Variants in LAMA4 observed in about 807,000 individuals in gnomAD.
The protein encoded by LAMA4 is laminin subunit alpha 4, also known as laminin subunit alpha-4.
LAMA4 carries 127 observed loss-of-function variants against 207.1 expected under a neutral mutation model. The observed-to-expected ratio is 0.61, with a 90% CI of 0.53 to 0.71. The LOEUF (loss-of-function observed/expected upper bound fraction) is 0.71, where lower values mean the gene tolerates loss of function less well. Ranked by LOEUF, LAMA4 falls within the 30% of genes least tolerant of loss-of-function variation. LAMA4 has a pLI of 0.00. For synonymous variants in LAMA4, 761 were observed against 816.0 expected (o/e 0.93, Z 1.15); for missense variants, 2,093 against 2,246.5 (o/e 0.93, Z 1.38).
At chr6:112,178,461 G>A in intron 9 of LAMA4, 1 of 493,070 alleles carries the variant, frequency 2.0e-6, no homozygotes, top group Middle Eastern at 5.8e-4. Flanking sequence ...TTGGGGTATA[G>A]GTGGTATTTG....
intron 2 of LAMA4, among the ~76,000 whole-genome samples, chr6:112,229,835 A>G (rs1238869299): frequency 6.6e-6 from 1 of 152,248 alleles, no homozygotes; most frequent in African/African-American, 2.4e-5. Context: ...GCATATTTTC[A>G]GAGAATCAAA....
At chr6:112,181,183 A>C (rs1425447557) in intron 9 of LAMA4, among the ~76,000 whole-genome samples, 1 of 152,196 alleles carries the variant, frequency 6.6e-6, no homozygotes, top group Non-Finnish European at 1.5e-5. Flanking sequence ...AAATGAAGGC[A>C]AGACAGCAAC....
chr6:112,190,944 T>TTTCCTTCC (rs1387146757), intron 6 of LAMA4, among the ~76,000 whole-genome samples: 63 of 41,648 alleles, frequency 1.5e-3, no homozygotes, highest in African/African-American at 5.7e-3. Flanking sequence ...TCTTTCTTTC[T>TTTCCTTCC]TTCCTTTCTT....
chr6:112,155,333 A>G (rs987032014), intron 15 of LAMA4: 9 of 584,362 alleles, frequency 1.5e-5, no homozygotes, highest in African/African-American at 1.3e-4. Context: ...CTTTGGCTAA[A>G]AAAATAAACT....
In LAMA4 at chr6:112,153,695, C is replaced by T. The variant is rs555349048; in HGVS notation, c.2056+1156G>A. The stretch of plus-strand genomic sequence containing the variant: ...AAACAAAAGCAATACATAGATATAG[C>T]AACATTTATTTTAAAATATTTTACT... On this transcript the variant is annotated intron_variant, in intron 16 of 38. Coordinates refer to ENST00000230538, the MANE Select transcript of LAMA4 (RefSeq NM_001105206.3). 6.6e-5 allele frequency among the ~76,000 whole-genome samples: 10 copies of T among 152,120 alleles called. No individual in the cohort carries two copies. The East Asian group carries it at 1.9e-3, about 29-fold the overall frequency.
chr6:112,244,794 T>G (rs1255525920), intron 2 of LAMA4, among the ~76,000 whole-genome samples: 1 of 152,208 alleles, frequency 6.6e-6, no homozygotes, highest in Admixed American at 6.5e-5. Context: ...ATGGCTCATA[T>G]TGCAAGGTAT....
At position 112,172,515 on chromosome 6, in the gene LAMA4, A is replaced by G. The variant is rs550634671; in HGVS notation, c.1551+96T>C. ...TTTTAAAATATAAGTATTTAACTATACCAATATTTTAAAAAAATTTATATC... is the reference window on the plus strand; with the variant it reads ...TTTTAAAATATAAGTATTTAACTATGCCAATATTTTAAAAAAATTTATATC... On this transcript the variant is annotated intron_variant, in intron 12 of 38. Coordinates refer to ENST00000230538, the MANE Select transcript of LAMA4 (RefSeq NM_001105206.3). The G allele has an allele frequency of 9.2e-4, 1,006 of 1,088,576 alleles. 4 individuals carry two copies. Among genetic ancestry groups the G allele is most frequent in the Middle Eastern group, 2.0e-3 (7 of 3,422 alleles). The allele number at this position is 1,088,576 out of a possible 1,614,324, so 67.4% of individuals were successfully genotyped here.
intron 2 of LAMA4, among the ~76,000 whole-genome samples, chr6:112,223,149 T>C (rs1785017129): frequency 6.6e-6 from 1 of 152,166 alleles, no homozygotes; most frequent in African/African-American, 2.4e-5. Flanking sequence ...TTCCAAGCTA[T>C]GGTTACACAA....
chr6:112,181,271 T>A (rs797044150), intron 9 of LAMA4, among the ~76,000 whole-genome samples: 10 of 152,338 alleles, frequency 6.6e-5, no homozygotes, highest in African/African-American at 2.4e-4. Flanking sequence ...GGCTAGTCTA[T>A]CATCCACACT....
At chr6:112,186,498 T>G (rs568155892) in intron 8 of LAMA4, among the ~76,000 whole-genome samples, 1 of 152,218 alleles carries the variant, frequency 6.6e-6, no homozygotes, top group African/African-American at 2.4e-5. Context: ...AAAGAAAACT[T>G]GTAAATCTTA....
chr6:112,139,850 G>T lies in LAMA4; in HGVS notation c.3012C>A (p.Gly1004=), dbSNP rs782815547. 1 of 1,614,054 alleles carries T rather than the reference G, an allele frequency of 6.2e-7. No homozygotes were observed. ...PTSLNLPGFV[G]CLELATLNND... ...TATTCAAAGTGGCCAGTTCCAGGCAGCCAACAAAGCCAGGCAGGTTTAAGC... is the reference window on the plus strand; with the variant it reads ...TATTCAAAGTGGCCAGTTCCAGGCATCCAACAAAGCCAGGCAGGTTTAAGC... The change falls in exon 23 of 39, where the codon GGC becomes GGA. Residue 1004 remains glycine, a synonymous_variant. Transcript: ENST00000230538.
intron 2 of LAMA4, among the ~76,000 whole-genome samples, chr6:112,225,258 G>A (rs1785150093): frequency 6.6e-6 from 1 of 152,124 alleles, no homozygotes; most frequent in African/African-American, 2.4e-5. Flanking sequence ...CTGAAGTTGA[G>A]TGTGTCCCAC....
At chr6:112,141,597 G>T in intron 20 of LAMA4, 94 bp from the exon 21 acceptor site, 1 of 995,006 alleles carries the variant, frequency 1.0e-6, no homozygotes, top group South Asian at 1.4e-5. Context: ...AAATATTTGG[G>T]TATATACAAG....
chr6:112,160,927 C>T (rs1554338237), intron 13 of LAMA4, among the ~76,000 whole-genome samples: 1 of 152,174 alleles, frequency 6.6e-6, no homozygotes, highest in Non-Finnish European at 1.5e-5. Context: ...GGAATGAGTC[C>T]AATTTCTAAG....
In LAMA4 at chr6:112,109,305, G is replaced by T; in HGVS notation, c.*132C>A. 1.1e-6 allele frequency: 1 copy of T among 941,778 alleles called. No homozygotes were observed. Among genetic ancestry groups the T allele is most frequent in the Non-Finnish European group, 1.7e-6 (1 of 601,928 alleles). The allele number at this position is 941,778 out of a possible 1,614,324, so 58.3% of individuals were successfully genotyped here. On this transcript the variant is annotated 3_prime_UTR_variant, in exon 39 of 39. Coordinates refer to ENST00000230538, the MANE Select transcript of LAMA4 (RefSeq NM_001105206.3). ...AAATAAGAAATATCCGGTCCCTGAT[G>T]ATTCGTTTAAGTCCTGTTCAACTCG... is the stretch of plus-strand genomic sequence containing the variant.
chr6:112,129,624 G>C (rs782518307), intron 30 of LAMA4, among the ~76,000 whole-genome samples: 3 of 152,074 alleles, frequency 2.0e-5, no homozygotes, highest in Non-Finnish European at 4.4e-5. Context: ...AACCTACCAA[G>C]TAGGCACCAT....
chr6:112,241,223 T>A (rs1359545301), intron 2 of LAMA4, among the ~76,000 whole-genome samples: 1 of 129,926 alleles, frequency 7.7e-6, no homozygotes, highest in African/African-American at 2.6e-5. Context: ...TGTATATATA[T>A]GATATATATA....
chr6:112,187,685 C>T, intron 7 of LAMA4, 84 bp from the exon 8 acceptor site: 1 of 1,322,518 alleles, frequency 7.6e-7, no homozygotes, highest in Non-Finnish European at 1.1e-6. Flanking sequence ...ATCTCTATTT[C>T]CTTGGTTAAT....
At position 112,139,789 on chromosome 6, in the gene LAMA4, A is replaced by G. The variant is rs1554332595; in HGVS notation, c.3073T>C (p.Tyr1025His). ...VISLYNFKHI[Y>H]NMDPSTSVPC... ...ACTGATGTGGAGGGGTCCATATTAT[A>G]GATGTGCTTAAAGTTGTACAAGCTG... The change falls in exon 23 of 39, where the codon TAT (tyrosine) becomes CAT (histidine). Residue 1025 changes from tyrosine to histidine, a missense_variant. Tyr to His is a moderately conservative substitution (Grantham distance 83, BLOSUM62 2). This residue lies in a region of LAMA4 where 1,704 missense variants were observed against 1,788.4 expected (regional missense o/e 0.95). Coordinates refer to ENST00000230538, the MANE Select transcript of LAMA4 (RefSeq NM_001105206.3). 2 of 1,614,052 alleles carry G rather than the reference A, an allele frequency of 1.2e-6. No individual in the cohort carries two copies. The highest frequency in any genetic ancestry group is 1.7e-6 in the Non-Finnish European group (2 of 1,179,908).
Sources: gnomAD v4.1 joint callset for allele counts (sites outside exome capture counted in the v4.1 genomes callset) on GRCh38, gnomAD v4.1.1 for gene constraint, gnomAD v4.1.1 regional missense constraint, MANE v1.5 for transcripts, NCBI Gene and HGNC (gene_info 2026-07-23, HGNC 2026-07-21) for gene names.